The following ZC3HC1 variants were observed in gnomAD, a reference collection of about 807,000 sequenced individuals.
ZC3HC1 encodes zinc finger C3HC-type protein 1.
Under a neutral mutation model 61.9 loss-of-function variants are expected in ZC3HC1, and 38 were observed. The ratio of observed to expected loss-of-function variants is 0.61; its 90% CI spans 0.47 to 0.81. The LOEUF is 0.81. Ranked by LOEUF, ZC3HC1 falls within the 30% of genes least tolerant of loss-of-function variation. The pLI is 0.00. For synonymous variants in ZC3HC1, 213 were observed against 229.9 expected (o/e 0.93, Z 0.67); for missense variants, 554 against 622.7 (o/e 0.89, Z 1.17).
chr7:130,031,499 T>C (rs1794189120), intron 4 of ZC3HC1, among the ~76,000 whole-genome samples: 1 of 152,102 alleles, frequency 6.6e-6, no homozygotes, highest in Non-Finnish European at 1.5e-5. Context: ...ACTGTCGCAG[T>C]GAGAACACCC....
In ZC3HC1 at chr7:130,023,431, T is replaced by A; in HGVS notation, c.1233+80A>T. On this transcript the variant is annotated intron_variant, in intron 8 of 9. Coordinates refer to ENST00000358303, the MANE Select transcript of ZC3HC1 (RefSeq NM_016478.5). This position sits in a 1 kb window ranked among gnomAD's most constrained non-coding sequence, Gnocchi z 4.2. The stretch of plus-strand genomic sequence containing the variant: ...TTGCATTGGACCACGGAAGGGCTCC[T>A]GCCTGCTTCTCCATGCTGCCTAGGG... The A allele has an allele frequency of 7.1e-7, 1 of 1,401,242 alleles. No individual in the cohort carries two copies. The highest frequency in any genetic ancestry group is 9.9e-7 in the Non-Finnish European group (1 of 1,013,340). The allele number at this position is 1,401,242 out of a possible 1,614,324, so 86.8% of individuals were successfully genotyped here.
chr7:130,027,097 G>A (rs957008272), intron 5 of ZC3HC1: 12 of 151,998 alleles, frequency 7.9e-5, no homozygotes, highest in African/African-American at 2.7e-4. Flanking sequence ...GAGTAGCTGG[G>A]ACTACAGGCA....
At chr7:130,028,522 A>T (rs1300201465) in intron 5 of ZC3HC1, among the ~76,000 whole-genome samples, 1 of 152,128 alleles carries the variant, frequency 6.6e-6, no homozygotes, top group Non-Finnish European at 1.5e-5. Context: ...AGCCTGGGTG[A>T]CAGAAAGAGA....
At chr7:130,039,811 G>C (rs1409123554) in intron 3 of ZC3HC1, among the ~76,000 whole-genome samples, 1 of 151,910 alleles carries the variant, frequency 6.6e-6, no homozygotes, top group Non-Finnish European at 1.5e-5. Context: ...CTTGAGTGTA[G>C]TGGTGCAATC....
chr7:130,019,195 C>T (rs1793511233), intron 9 of ZC3HC1, among the ~76,000 whole-genome samples: 1 of 151,982 alleles, frequency 6.6e-6, no homozygotes, highest in Admixed American at 6.6e-5. Context: ...ACTACAGGCA[C>T]CCGCCACCAC....
chr7:130,049,754 G>C (rs1189674382), intron 1 of ZC3HC1, among the ~76,000 whole-genome samples: 3 of 152,010 alleles, frequency 2.0e-5, no homozygotes, highest in African/African-American at 7.2e-5. Flanking sequence ...GTTTCACCAT[G>C]TTGGTCAGGC....
chr7:130,032,791 GAAGGAA>G (rs1794272314), intron 4 of ZC3HC1, among the ~76,000 whole-genome samples: 23 of 109,426 alleles, frequency 2.1e-4, no homozygotes, highest in South Asian at 8.2e-4. Flanking sequence ...GGAGGGGAGG[GAAGGAA>G]AGGAAGGGAA....
At position 130,051,284 on chromosome 7, in the gene ZC3HC1, G is replaced by T. The variant is rs145290627; in HGVS notation, c.83C>A (p.Thr28Asn). ...TATCAGCTGCCGGATTTTCTGGGGGGTCCCTTCTGGGGAGCGAACTACTGC... is the reference window on the plus strand; with the variant it reads ...TATCAGCTGCCGGATTTTCTGGGGGTTCCCTTCTGGGGAGCGAACTACTGC... ...WGAVVRSPEG[T>N]PQKIRQLIDE... The change falls in exon 1 of 10, where the codon ACC becomes AAC. Residue 28 changes from threonine (T) to asparagine (N), a missense_variant. Transcript: ENST00000358303. 5.6e-4 allele frequency: 898 copies of T among 1,612,330 alleles called. 1 individual carries two copies. The highest frequency in any genetic ancestry group is 7.2e-4 in the Non-Finnish European group (851 of 1,179,198).
At chr7:130,038,166 A>C (rs990029546) in intron 4 of ZC3HC1, among the ~76,000 whole-genome samples, 1 of 152,206 alleles carries the variant, frequency 6.6e-6, no homozygotes, top group Non-Finnish European at 1.5e-5. Flanking sequence ...TGTTCTGTGC[A>C]CACATCAGTA....
intron 8 of ZC3HC1, among the ~76,000 whole-genome samples, chr7:130,022,808 A>G (rs1413004394): frequency 6.6e-6 from 1 of 152,128 alleles, no homozygotes; most frequent in Non-Finnish European, 1.5e-5. Context: ...GCAGGCGGGC[A>G]AGCAAAGCTT....
Position 130,039,454 on chromosome 7 carries a change from A to G in ZC3HC1, c.493+10T>C. ...AAAAATGGTGAACAGGAATTCTCAAAAATAAGTACCTGGGGATGGGCTGTC... is the reference window on the plus strand; with the variant it reads ...AAAAATGGTGAACAGGAATTCTCAAGAATAAGTACCTGGGGATGGGCTGTC... On this transcript the variant is annotated intron_variant, in intron 4 of 9. Transcript: ENST00000358303. 6.2e-7 allele frequency: 1 copy of G among 1,605,122 alleles called. No individual in the cohort carries two copies.
chr7:130,031,990 C>A (rs1273249898), intron 4 of ZC3HC1, among the ~76,000 whole-genome samples: 1 of 152,128 alleles, frequency 6.6e-6, no homozygotes, highest in Non-Finnish European at 1.5e-5. Flanking sequence ...CTTTGGGAGG[C>A]CGAGGTGGGC....
intron 9 of ZC3HC1, among the ~76,000 whole-genome samples, chr7:130,020,961 A>G (rs1233660877): frequency 6.6e-6 from 1 of 151,858 alleles, no homozygotes; most frequent in Non-Finnish European, 1.5e-5. Context: ...GCTGGAGCGC[A>G]ACCTCGGCTC....
intron 1 of ZC3HC1, among the ~76,000 whole-genome samples, chr7:130,050,781 CTTT>C (rs1795044965): frequency 6.6e-6 from 1 of 152,140 alleles, no homozygotes; most frequent in Non-Finnish European, 1.5e-5. Flanking sequence ...TACTGCGTAA[CTTT>C]TTCCTTTTAC....
Position 130,034,739 on chromosome 7 carries a change from C to T in ZC3HC1, c.493+4725G>A, listed in dbSNP as rs115168711. On this transcript the variant is annotated intron_variant, in intron 4 of 9. Coordinates refer to ENST00000358303, the MANE Select transcript of ZC3HC1 (RefSeq NM_016478.5). Reference sequence around the variant, plus strand: ...CTCCTGGCCGCAAGTGATCCTCCCACCTTGGCCCTGCAAAACACTGGGATT... The same window carrying T: ...CTCCTGGCCGCAAGTGATCCTCCCATCTTGGCCCTGCAAAACACTGGGATT... Among the ~76,000 whole-genome samples, 1,377 of 152,220 alleles carry T rather than the reference C, an allele frequency of 9.0e-3. 19 individuals are homozygous for T. Among genetic ancestry groups the T allele is most frequent in the African/African-American group, 0.031 (1,300 of 41,528 alleles).
intron 2 of ZC3HC1, 53 bp from the exon 3 acceptor site, chr7:130,041,154 ATGTGTG>A (rs34409527): frequency 3.0e-5 from 36 of 1,207,184 alleles, no homozygotes; most frequent in Non-Finnish European, 4.0e-5. Flanking sequence ...ATGTGTGTGT[ATGTGTG>A]TGTGTGTGTG....
At chr7:130,044,119 C>T (rs989623245) in intron 2 of ZC3HC1, among the ~76,000 whole-genome samples, 4 of 152,078 alleles carry the variant, frequency 2.6e-5, no homozygotes, top group Admixed American at 6.6e-5. Flanking sequence ...CTAGCTTTTT[C>T]CTCTGAGAGG....
intron 4 of ZC3HC1, among the ~76,000 whole-genome samples, chr7:130,033,795 C>T (rs910989990): frequency 1.3e-5 from 2 of 152,138 alleles, no homozygotes; most frequent in Non-Finnish European, 2.9e-5. Flanking sequence ...CTAGCAACAA[C>T]AGGATATTCT....
intron 1 of ZC3HC1, among the ~76,000 whole-genome samples, chr7:130,049,737 AGAC>A (rs1328532440): frequency 3.3e-5 from 5 of 151,978 alleles, no homozygotes; most frequent in Non-Finnish European, 4.4e-5. Flanking sequence ...TCTTTAGGAC[AGAC>A]GGGGTTTCAC....
Sources: allele counts gnomAD v4.1 joint callset (sites outside exome capture counted in the v4.1 genomes callset), GRCh38; gene constraint gnomAD v4.1.1; non-coding constraint Gnocchi (gnomAD v3.1); transcripts MANE v1.5; gene names NCBI Gene and HGNC (gene_info 2026-07-23, HGNC 2026-07-21).